Variants in STAU2 observed in about 807,000 individuals in gnomAD.
STAU2 encodes the protein double-stranded RNA-binding protein Staufen homolog 2.
A neutral mutation model predicts 65.9 loss-of-function variants in STAU2; 20 were observed. That is an observed-to-expected ratio of 0.30 (90% confidence interval 0.21 to 0.44). STAU2 has a LOEUF of 0.44. Among genes scored for constraint, STAU2 ranks in the 20% least tolerant of loss-of-function variants. The pLI is 1.00. For synonymous variants in STAU2, 232 were observed against 233.9 expected (o/e 0.99, Z 0.07); for missense variants, 558 against 683.9 (o/e 0.82, Z 2.05).
chr8:73,529,373 A>AT (rs1343004060), intron 13 of STAU2, among the ~76,000 whole-genome samples: 1 of 152,234 alleles, frequency 6.6e-6, no homozygotes, highest in Non-Finnish European at 1.5e-5. Context: ...ATTATGTCTG[A>AT]TATAGTGCTA....
chr8:73,717,905 C>T (rs1212266027), intron 3 of STAU2, among the ~76,000 whole-genome samples: 1 of 152,138 alleles, frequency 6.6e-6, no homozygotes, highest in Non-Finnish European at 1.5e-5. Context: ...CTGTGCAGTT[C>T]TATAAAAAAG....
At chr8:73,431,868 T>C (rs905977376) in intron 13 of STAU2, among the ~76,000 whole-genome samples, 5 of 152,246 alleles carry the variant, frequency 3.3e-5, no homozygotes, top group Non-Finnish European at 7.3e-5. Context: ...GCCCTGCTTC[T>C]TTCTTCAGGA....
At chr8:73,616,112 C>G (rs1812818101) in intron 7 of STAU2, among the ~76,000 whole-genome samples, 1 of 152,126 alleles carries the variant, frequency 6.6e-6, no homozygotes, top group Non-Finnish European at 1.5e-5. Context: ...ACCCCCAACA[C>G]CCAGGAATTC....
intron 13 of STAU2, among the ~76,000 whole-genome samples, chr8:73,537,174 G>A (rs1806234917): frequency 6.6e-6 from 1 of 151,884 alleles, no homozygotes; most frequent in South Asian, 2.1e-4. Flanking sequence ...AAAAATATAA[G>A]CTCCCCAATC....
intron 6 of STAU2, among the ~76,000 whole-genome samples, chr8:73,639,075 A>G (rs781274755): frequency 1.8e-4 from 27 of 152,184 alleles, no homozygotes; most frequent in Non-Finnish European, 2.9e-4. Context: ...TTTTGATACA[A>G]AAAAGAAAAA....
At position 73,657,032 on chromosome 8, in the gene STAU2, T is replaced by A. The variant is rs530078866; in HGVS notation, c.410+16075A>T. Among the ~76,000 whole-genome samples the A allele has an allele frequency of 3.3e-5, 5 of 152,316 alleles. No individual in the cohort carries two copies. The East Asian group carries it at 9.6e-4, about 29-fold the overall frequency. On this transcript the variant is annotated intron_variant, in intron 6 of 14. Coordinates refer to ENST00000524300, the MANE Select transcript of STAU2 (RefSeq NM_001164380.2). The stretch of plus-strand genomic sequence containing the variant: ...CAATTCTTCAGTGATATATAACAGT[T>A]ATGAATACCTATGCACCAAATAATG...
At chr8:73,622,087 G>A (rs1813290258) in intron 6 of STAU2, among the ~76,000 whole-genome samples, 1 of 148,056 alleles carries the variant, frequency 6.8e-6, no homozygotes, top group African/African-American at 2.5e-5. Flanking sequence ...CTCCCGAGTA[G>A]CTGGGACTAC....
At chr8:73,542,135 A>G (rs1328397237) in intron 13 of STAU2, among the ~76,000 whole-genome samples, 1 of 152,158 alleles carries the variant, frequency 6.6e-6, no homozygotes, top group African/African-American at 2.4e-5. Flanking sequence ...AAACACTCCT[A>G]CATGTACCAT....
intron 13 of STAU2, among the ~76,000 whole-genome samples, chr8:73,547,398 T>C (rs1807007691): frequency 6.6e-6 from 1 of 152,138 alleles, no homozygotes; most frequent in South Asian, 2.1e-4. Flanking sequence ...TGATCTACAA[T>C]TCTGCTGGTT....
At chr8:73,439,485 G>A (rs903348055) in intron 13 of STAU2, among the ~76,000 whole-genome samples, 3 of 152,172 alleles carry the variant, frequency 2.0e-5, no homozygotes, top group African/African-American at 7.2e-5. Flanking sequence ...TCACATGGGG[G>A]TGCACGCCTG....
At chr8:73,747,026 C>T (rs140472622), upstream of STAU2, 39,992 of 224,998 alleles carry the variant, frequency 0.18, 4,142 homozygotes, top group East Asian at 0.34. Flanking sequence ...ACCGGCTCTA[C>T]CTCCACTCCG....
chr8:73,575,545 C>T (rs1809477992), intron 12 of STAU2, among the ~76,000 whole-genome samples: 1 of 152,076 alleles, frequency 6.6e-6, no homozygotes, highest in Non-Finnish European at 1.5e-5. Flanking sequence ...GAGGTTTTTA[C>T]ATGGCAGATA....
chr8:73,621,980 G>A (rs116132616), intron 6 of STAU2, among the ~76,000 whole-genome samples: 2 of 142,328 alleles, frequency 1.4e-5, no homozygotes, highest in East Asian at 2.1e-4. Flanking sequence ...TTCCTGAGAC[G>A]AAGTCTCGCT....
At chr8:73,655,992 C>T (rs1482394581) in intron 6 of STAU2, among the ~76,000 whole-genome samples, 2 of 151,864 alleles carry the variant, frequency 1.3e-5, no homozygotes, top group Non-Finnish European at 2.9e-5. Context: ...ACCGTGTTAG[C>T]CAGGATGGTC....
At chr8:73,499,968 G>T (rs1275625956) in intron 13 of STAU2, among the ~76,000 whole-genome samples, 2 of 151,706 alleles carry the variant, frequency 1.3e-5, no homozygotes, top group Admixed American at 1.3e-4. Flanking sequence ...CTGAAGCTGG[G>T]GCTCCATGCC....
chr8:73,533,368 A>T (rs1805954175), intron 13 of STAU2, among the ~76,000 whole-genome samples: 1 of 152,148 alleles, frequency 6.6e-6, no homozygotes, highest in Admixed American at 6.5e-5. Flanking sequence ...GAAATTTGCA[A>T]ATCTATAACT....
chr8:73,603,653 C>G, intron 10 of STAU2, 73 bp downstream of exon 10: 2 of 1,538,144 alleles, frequency 1.3e-6, no homozygotes, highest in Non-Finnish European at 1.7e-6. Context: ...TCCTAGTTTG[C>G]CTTTCGCCCA....
chr8:73,583,163 T>C (rs1292522753), intron 11 of STAU2, among the ~76,000 whole-genome samples: 2 of 151,960 alleles, frequency 1.3e-5, no homozygotes, highest in Admixed American at 6.6e-5. Flanking sequence ...TTTTTTTTTT[T>C]TGAGACAGAG....
At chr8:73,633,152 G>T (rs911728585) in intron 6 of STAU2, among the ~76,000 whole-genome samples, 2 of 152,176 alleles carry the variant, frequency 1.3e-5, no homozygotes, top group Admixed American at 6.5e-5. Flanking sequence ...TTACTGAGTG[G>T]TTTACTATAT....
Sources: allele counts gnomAD v4.1 joint callset (sites outside exome capture counted in the v4.1 genomes callset), GRCh38; gene constraint gnomAD v4.1.1; transcripts MANE v1.5; gene names NCBI Gene and HGNC (gene_info 2026-07-23, HGNC 2026-07-21).